Variants in ZC3H12B observed in about 807,000 individuals in gnomAD.
The protein encoded by ZC3H12B is probable ribonuclease ZC3H12B.
ZC3H12B carries 7 observed loss-of-function variants against 43.9 expected under a neutral mutation model. That is an observed-to-expected ratio of 0.16 (90% CI 0.09 to 0.30). The LOEUF is 0.30. Ranked by LOEUF, ZC3H12B falls within the 10% of genes least tolerant of loss-of-function variation. The probability of loss-of-function intolerance (pLI) is 1.00; values close to 1 mark genes in which losing one functional copy is unlikely to be tolerated. For missense variants in ZC3H12B, 475 were observed against 670.2 expected, an observed-to-expected ratio of 0.71 and a Z score of 3.22; for synonymous variants, 222 against 241.7, an observed-to-expected ratio of 0.92 and a Z score of 0.76.
the ZC3H12B span, among the ~76,000 whole-genome samples, chrX:65,233,544 AT>A: frequency 9.1e-6 from 1 of 109,986 alleles, no homozygotes; most frequent in Non-Finnish European, 1.9e-5. Flanking sequence ...AAAAAAAAAA[AT>A]CAACAATGAA....
chrX:65,404,875 C>T (rs1449190996), intron 3 of ZC3H12B, among the ~76,000 whole-genome samples: 2 of 112,142 alleles, frequency 1.8e-5, no homozygotes, highest in Non-Finnish European at 3.8e-5. Context: ...ACTTACAGAA[C>T]ATTTTATCTG....
chrX:65,184,151 C>T, the ZC3H12B span, among the ~76,000 whole-genome samples: 1 of 111,181 alleles, frequency 9.0e-6, no homozygotes, highest in African/African-American at 3.3e-5. Context: ...TTTCCTGACA[C>T]CATGAGGCAT....
the ZC3H12B span, among the ~76,000 whole-genome samples, chrX:65,334,742 A>G: frequency 9.0e-6 from 1 of 111,551 alleles, no homozygotes; most frequent in African/African-American, 3.3e-5. Context: ...CTGACCTAAT[A>G]AGCAGGCACA....
At chrX:65,077,534 A>G in the ZC3H12B span, among the ~76,000 whole-genome samples, 1 of 111,955 alleles carries the variant, frequency 8.9e-6, no homozygotes, top group South Asian at 3.8e-4. Context: ...TTATGTGGGC[A>G]GATCAGCTCA....
intron 2 of ZC3H12B, among the ~76,000 whole-genome samples, chrX:65,387,369 T>C (rs1328441434): frequency 8.9e-6 from 1 of 112,216 alleles, no homozygotes; most frequent in Non-Finnish European, 1.9e-5. Flanking sequence ...GATTTTCTTG[T>C]GGAACTGATC....
At chrX:65,295,612 A>C in the ZC3H12B span, among the ~76,000 whole-genome samples, 2 of 111,841 alleles carry the variant, frequency 1.8e-5, no homozygotes, top group Non-Finnish European at 3.8e-5. Context: ...AGATAAAACA[A>C]AAAGCTGGTT....
At chrX:65,350,614 G>A in the ZC3H12B span, among the ~76,000 whole-genome samples, 1 of 111,996 alleles carries the variant, frequency 8.9e-6, no homozygotes, top group Non-Finnish European at 1.9e-5. Flanking sequence ...AAGCTGATAA[G>A]CAACTTCAGC....
the ZC3H12B span, among the ~76,000 whole-genome samples, chrX:65,225,423 G>GA: frequency 5.4e-5 from 6 of 111,943 alleles, no homozygotes; most frequent in Non-Finnish European, 7.5e-5. Context: ...CAAAGACGGG[G>GA]AAAAAACAGA....
the ZC3H12B span, among the ~76,000 whole-genome samples, chrX:65,045,266 A>C: frequency 2.7e-5 from 3 of 111,896 alleles, no homozygotes; most frequent in Admixed American, 1.9e-4. Flanking sequence ...TTTCTTTCAC[A>C]AGAGGTTTAT....
At chrX:65,209,624 G>A in the ZC3H12B span, among the ~76,000 whole-genome samples, 15,465 of 107,771 alleles carry the variant, frequency 0.14, 2,626 homozygotes, top group African/African-American at 0.47. Context: ...TGGAATAGGT[G>A]TGGTGTGGTG....
the ZC3H12B span, among the ~76,000 whole-genome samples, chrX:65,125,121 T>C: frequency 9.0e-6 from 1 of 111,421 alleles, no homozygotes; most frequent in Admixed American, 9.6e-5. Context: ...AGGCATTTAA[T>C]GCTATGAACT....
At chrX:65,270,189 G>C in the ZC3H12B span, among the ~76,000 whole-genome samples, 3 of 111,575 alleles carry the variant, frequency 2.7e-5, no homozygotes, top group Admixed American at 1.9e-4. Context: ...CAGAAATATA[G>C]ACCAAGTGAA....
the ZC3H12B span, among the ~76,000 whole-genome samples, chrX:65,268,296 C>G: frequency 9.0e-6 from 1 of 111,678 alleles, no homozygotes; most frequent in Non-Finnish European, 1.9e-5. Flanking sequence ...AGCCCAGGGA[C>G]ATATTATTTT....
At chrX:65,099,710 C>A in the ZC3H12B span, among the ~76,000 whole-genome samples, 1 of 111,378 alleles carries the variant, frequency 9.0e-6, no homozygotes, top group Middle Eastern at 4.2e-3. Flanking sequence ...CACACACACA[C>A]AGAAACCCCA....
At chrX:65,278,228 G>T in the ZC3H12B span, among the ~76,000 whole-genome samples, 1 of 111,580 alleles carries the variant, frequency 9.0e-6, no homozygotes, top group Non-Finnish European at 1.9e-5. Flanking sequence ...GTGACCTCTG[G>T]TTGTCCTCGT....
chrX:65,092,418 G>A, the ZC3H12B span, among the ~76,000 whole-genome samples: 1 of 111,427 alleles, frequency 9.0e-6, no homozygotes, highest in African/African-American at 3.3e-5. Flanking sequence ...GAAGAAGATA[G>A]GAAGATGAGG....
the ZC3H12B span, among the ~76,000 whole-genome samples, chrX:65,254,334 A>G: frequency 1.8e-5 from 2 of 112,320 alleles, no homozygotes; most frequent in African/African-American, 6.5e-5. Context: ...GTCTGGAAAC[A>G]TGTCAACCCT....
At chrX:65,219,458 TA>T in the ZC3H12B span, among the ~76,000 whole-genome samples, 159 of 111,422 alleles carry the variant, frequency 1.4e-3, no homozygotes, top group African/African-American at 4.2e-3. Flanking sequence ...AACATAAATT[TA>T]AAAAATCACA....
chrX:65,042,645 T>G, the ZC3H12B span, among the ~76,000 whole-genome samples: 1 of 112,340 alleles, frequency 8.9e-6, no homozygotes, highest in Non-Finnish European at 1.9e-5. Flanking sequence ...TTTTAGGTTG[T>G]ACTTTACACA....
Sources: gnomAD v4.1 joint callset for allele counts (sites outside exome capture counted in the v4.1 genomes callset) on GRCh38, gnomAD v4.1.1 for gene constraint, MANE v1.5 for transcripts, NCBI Gene and HGNC (gene_info 2026-07-23, HGNC 2026-07-21) for gene names.